The following TTC7B variants were observed in gnomAD, a reference collection of about 807,000 sequenced individuals.
TTC7B encodes tetratricopeptide repeat protein 7B.
TTC7B carries 28 observed loss-of-function variants against 106.8 expected under a neutral mutation model. The observed-to-expected ratio is 0.26, with a 90% CI of 0.19 to 0.36. The LOEUF is 0.36. TTC7B is among the 10% of genes least tolerant of loss of function. The pLI is 1.00. For missense variants in TTC7B, 862 were observed against 1,076.4 expected, an observed-to-expected ratio of 0.80 and a Z score of 2.79; for synonymous variants, 405 against 430.6, an observed-to-expected ratio of 0.94 and a Z score of 0.74.
chr14:90,630,843 T>C (rs1884669937), intron 15 of TTC7B, among the ~76,000 whole-genome samples: 1 of 151,544 alleles, frequency 6.6e-6, no homozygotes. Context: ...TTTTTGTTTT[T>C]TTTTTTTTTG....
At chr14:90,747,169 A>C (rs1044759502) in intron 3 of TTC7B, among the ~76,000 whole-genome samples, 4 of 152,216 alleles carry the variant, frequency 2.6e-5, no homozygotes, top group Admixed American at 2.0e-4. Flanking sequence ...CTCCATGCCT[A>C]TGTGACTGAC....
intron 3 of TTC7B, among the ~76,000 whole-genome samples, chr14:90,766,163 CA>C (rs1890672919): frequency 7.4e-6 from 1 of 135,230 alleles, no homozygotes; most frequent in African/African-American, 2.9e-5. Flanking sequence ...TAAACAAAAA[CA>C]GCAAACCCTG....
rs1203733574 is a variant in TTC7B at position 90,759,407 on chromosome 14, A to G, written c.446-14485T>C. Reference sequence around the variant, plus strand: ...AAAATATAAAACACGAGTCTGGCCTAGGTGATGTCTTACAACCTTACTAGC... The same window carrying G: ...AAAATATAAAACACGAGTCTGGCCTGGGTGATGTCTTACAACCTTACTAGC... On this transcript the variant is annotated intron_variant, in intron 3 of 19. Transcript: ENST00000328459. The surrounding 1 kb of genome is among the most constrained non-coding windows in gnomAD (Gnocchi z 4.1). Among the ~76,000 whole-genome samples, 2 of 152,174 alleles carry G rather than the reference A, an allele frequency of 1.3e-5. No individual in the cohort carries two copies. The highest frequency in any genetic ancestry group is 2.9e-5 in the Non-Finnish European group (2 of 68,028).
chr14:90,602,227 GT>G (rs1179351151), intron 17 of TTC7B: 1 of 455,970 alleles, frequency 2.2e-6, no homozygotes, highest in Non-Finnish European at 4.4e-6. Flanking sequence ...GATTACATTA[GT>G]TTGGGAACAC....
chr14:90,700,691 T>A (rs892899071), intron 5 of TTC7B, among the ~76,000 whole-genome samples: 13 of 126,232 alleles, frequency 1.0e-4, no homozygotes, highest in Admixed American at 2.5e-4. Flanking sequence ...ATGGTATGTA[T>A]CTGCTTTTCC....
intron 5 of TTC7B, among the ~76,000 whole-genome samples, chr14:90,721,429 TA>T (rs1314498526): frequency 1.3e-5 from 2 of 152,234 alleles, no homozygotes; most frequent in Non-Finnish European, 2.9e-5. Flanking sequence ...TTGATGGCAT[TA>T]AGGGATGAGC....
chr14:90,749,445 G>C (rs1331147465), intron 3 of TTC7B, among the ~76,000 whole-genome samples: 1 of 112,406 alleles, frequency 8.9e-6, no homozygotes, highest in Admixed American at 1.1e-4. Flanking sequence ...CGCTCTTGTT[G>C]CCCAGGCTGA....
intron 5 of TTC7B, among the ~76,000 whole-genome samples, chr14:90,700,942 C>T (rs1041597168): frequency 5.3e-5 from 8 of 151,740 alleles, no homozygotes; most frequent in Admixed American, 1.3e-4. Flanking sequence ...ACACTGTGGC[C>T]GGCTGTCAGG....
At chr14:90,628,730 G>A (rs1009979438) in intron 15 of TTC7B, among the ~76,000 whole-genome samples, 8 of 152,230 alleles carry the variant, frequency 5.3e-5, no homozygotes, top group Admixed American at 3.9e-4. Flanking sequence ...ACATGGGACC[G>A]CGCATCCTTG....
chr14:90,804,939 C>T (rs928713547), intron 1 of TTC7B, among the ~76,000 whole-genome samples: 11 of 152,182 alleles, frequency 7.2e-5, no homozygotes, highest in Non-Finnish European at 1.0e-4. Context: ...GGCTGCTCAG[C>T]AAGTGTCCAC....
intron 3 of TTC7B, among the ~76,000 whole-genome samples, chr14:90,755,693 A>G (rs1481250559): frequency 2.6e-5 from 4 of 152,132 alleles, no homozygotes; most frequent in African/African-American, 9.6e-5. Flanking sequence ...ACAAAAAAAA[A>G]AAACAAGAAA....
intron 8 of TTC7B, chr14:90,677,918 C>T: frequency 2.4e-6 from 1 of 423,592 alleles, no homozygotes; most frequent in Non-Finnish European, 4.7e-6. Flanking sequence ...GGAAACAAGC[C>T]TGCTTTTGAA....
intron 15 of TTC7B, among the ~76,000 whole-genome samples, chr14:90,621,799 T>C (rs1884212289): frequency 6.6e-6 from 1 of 152,230 alleles, no homozygotes; most frequent in Non-Finnish European, 1.5e-5. Context: ...AAACAAGCAG[T>C]GATGCTCGTC....
chr14:90,772,920 C>T (rs969821231), intron 3 of TTC7B: 1 of 152,244 alleles, frequency 6.6e-6, no homozygotes, highest in Non-Finnish European at 1.5e-5. Flanking sequence ...GAGATCACAC[C>T]AGCCTGGCAA....
intron 15 of TTC7B, among the ~76,000 whole-genome samples, chr14:90,640,428 G>A (rs2034542117): frequency 6.6e-6 from 1 of 152,042 alleles, no homozygotes; most frequent in Non-Finnish European, 1.5e-5. Context: ...AATATTACAC[G>A]AAAAATCCAT....
chr14:90,798,956 G>T (rs1215817051), intron 1 of TTC7B, among the ~76,000 whole-genome samples: 1 of 152,074 alleles, frequency 6.6e-6, no homozygotes, highest in African/African-American at 2.4e-5. Context: ...AAAGAAGAAA[G>T]ATGACCCATG....
chr14:90,804,517 G>A (rs1451847036), intron 1 of TTC7B, among the ~76,000 whole-genome samples: 1 of 152,170 alleles, frequency 6.6e-6, no homozygotes, highest in Non-Finnish European at 1.5e-5. Flanking sequence ...TGTGGCAGGA[G>A]TTTCCCAGGT....
rs1468609053 is a variant in TTC7B, at chr14:90,724,117, C to T, written c.698+5958G>A. 4.6e-5 allele frequency among the ~76,000 whole-genome samples: 7 copies of T among 152,198 alleles called. No homozygotes were observed. The South Asian group carries it at 6.2e-4, about 13-fold the overall frequency. On this transcript the variant is annotated intron_variant, in intron 5 of 19. Coordinates refer to ENST00000328459, the MANE Select transcript of TTC7B (RefSeq NM_001010854.2). Reference sequence around the variant, plus strand: ...GCTTCCCCATCTGTAGGCATCTACACCATCTCAAGCCCACTTTTCCAAATC... The same window carrying T: ...GCTTCCCCATCTGTAGGCATCTACATCATCTCAAGCCCACTTTTCCAAATC...
intron 19 of TTC7B, among the ~76,000 whole-genome samples, chr14:90,556,049 A>G (rs1020485195): frequency 1.3e-5 from 2 of 152,196 alleles, no homozygotes; most frequent in Non-Finnish European, 2.9e-5. Flanking sequence ...CAGCGCAAGC[A>G]CCTCCGGCGC....
Sources: gnomAD v4.1 joint callset for allele counts (sites outside exome capture counted in the v4.1 genomes callset) on GRCh38, gnomAD v4.1.1 for gene constraint, Gnocchi (gnomAD v3.1) non-coding constraint, MANE v1.5 for transcripts, NCBI Gene and HGNC (gene_info 2026-07-23, HGNC 2026-07-21) for gene names.